Variants in PPP4R2 observed in about 807,000 individuals in gnomAD.
PPP4R2 encodes protein phosphatase 4 regulatory subunit 2, also known as serine/threonine-protein phosphatase 4 regulatory subunit 2.
In PPP4R2, 13 loss-of-function variants were observed where a neutral mutation model predicts 47.2. The observed-to-expected ratio is 0.28, with a 90% CI of 0.18 to 0.44. PPP4R2 has a LOEUF of 0.44. Among genes scored for constraint, PPP4R2 ranks in the 20% least tolerant of loss-of-function variants. The pLI, the probability that PPP4R2 is intolerant of heterozygous loss-of-function variation, is 1.00. For missense variants in PPP4R2, 421 were observed against 491.2 expected (o/e 0.86, Z 1.35); for synonymous variants, 151 against 163.3 (o/e 0.92, Z 0.57).
intron 5 of PPP4R2, chr3:73,062,641 G>A (rs1276189463): frequency 3.7e-6 from 6 of 1,613,986 alleles, no homozygotes; most frequent in Admixed American, 1.7e-5. Context: ...CGCCACTGCT[G>A]TGACCTTTTG....
rs565276512 is a variant in PPP4R2 at position 73,039,532 on chromosome 3, A to G, written c.117-7654A>G. Among the ~76,000 whole-genome samples the G allele has an allele frequency of 6.6e-5, 10 of 152,314 alleles. No individual in the cohort carries two copies. In the South Asian group the frequency reaches 1.5e-3, roughly 22 times the overall value. ...CTTTTCCATAACACAAAAATAAGCA[A>G]AAGACAGATAATTTTAGAGAGGTGG... On this transcript the variant is annotated intron_variant, in intron 2 of 8. Transcript: ENST00000356692.
rs911371658 is a variant in PPP4R2, at chr3:72,996,915, G to A, written c.-123G>A. 18 of 602,972 alleles carry A rather than the reference G, an allele frequency of 3.0e-5. No individual in the cohort carries two copies. The Admixed American group carries it at 3.5e-4, about 12-fold the overall frequency. 37.4% of individuals were successfully genotyped at this position (602,972 alleles called of 1,614,324 possible). A position where few individuals can be genotyped will look rare whatever the true frequency, so the allele number is the denominator to read the frequency against. ...CCGGCTCCCTTCGTTTCCCCCCCCCGGTCGCCTGCGTGCCGGAGTGTGTGC... is the reference window on the plus strand; with the variant it reads ...CCGGCTCCCTTCGTTTCCCCCCCCCAGTCGCCTGCGTGCCGGAGTGTGTGC... On this transcript the variant is annotated 5_prime_UTR_variant, in exon 1 of 9. Transcript: ENST00000356692.
intron 2 of PPP4R2, among the ~76,000 whole-genome samples, chr3:73,026,487 T>A (rs886484160): frequency 9.0e-6 from 1 of 110,568 alleles, no homozygotes; most frequent in Non-Finnish European, 1.9e-5. Context: ...GCCGTGCCAT[T>A]ATTTTTTGTT....
At chr3:73,018,436 A>ATGTT (rs1264175226) in intron 2 of PPP4R2, among the ~76,000 whole-genome samples, 33 of 103,320 alleles carry the variant, frequency 3.2e-4, no homozygotes, top group African/African-American at 1.0e-3. Flanking sequence ...ATGTTATGTT[A>ATGTT]TGTTATGTTA....
chr3:73,031,917 T>G (rs1178727940), intron 2 of PPP4R2, among the ~76,000 whole-genome samples: 1 of 152,214 alleles, frequency 6.6e-6, no homozygotes, highest in Non-Finnish European at 1.5e-5. Context: ...CTAAGCACTT[T>G]GCTTACACTA....
chr3:73,010,825 C>T (rs1195417440), intron 2 of PPP4R2, among the ~76,000 whole-genome samples: 1 of 152,202 alleles, frequency 6.6e-6, no homozygotes, highest in Non-Finnish European at 1.5e-5. Flanking sequence ...CAGGCATGAG[C>T]CACTGGGCTC....
At chr3:73,012,427 T>C (rs551717485) in intron 2 of PPP4R2, among the ~76,000 whole-genome samples, 1 of 152,164 alleles carries the variant, frequency 6.6e-6, no homozygotes, top group Admixed American at 6.5e-5. Context: ...AGCCTCCCGC[T>C]TAGCTGGGAC....
In PPP4R2 at chr3:73,042,130, T is replaced by C. The variant is rs372504509; in HGVS notation, c.117-5056T>C. 3.0e-4 allele frequency among the ~76,000 whole-genome samples: 46 copies of C among 152,264 alleles called. 2 individuals carry two copies. In the East Asian group the frequency reaches 8.7e-3, roughly 29 times the overall value. The stretch of plus-strand genomic sequence containing the variant: ...GTAAAGTAGATTTAAATTTTGAGTA[T>C]GTATTTTATTGGAGGGGATTTTATG... On this transcript the variant is annotated intron_variant, in intron 2 of 8. Coordinates refer to ENST00000356692, the MANE Select transcript of PPP4R2 (RefSeq NM_174907.4).
chr3:73,033,491 T>A (rs1022696386), intron 2 of PPP4R2, among the ~76,000 whole-genome samples: 2 of 152,240 alleles, frequency 1.3e-5, no homozygotes, highest in African/African-American at 4.8e-5. Context: ...TATTTTTTAA[T>A]TCTGGGAATT....
At chr3:73,060,577 T>C (rs1702833064) in intron 4 of PPP4R2, among the ~76,000 whole-genome samples, 1 of 131,130 alleles carries the variant, frequency 7.6e-6, no homozygotes, top group Non-Finnish European at 1.7e-5. Flanking sequence ...ATCATAAATA[T>C]ATTACAAAAA....
chr3:73,035,269 A>T (rs1171411516), intron 2 of PPP4R2, among the ~76,000 whole-genome samples: 1 of 152,160 alleles, frequency 6.6e-6, no homozygotes, highest in Non-Finnish European at 1.5e-5. Context: ...GCATGGTGGC[A>T]CACACCTGTA....
intron 2 of PPP4R2, among the ~76,000 whole-genome samples, chr3:73,036,600 C>G (rs1429939707): frequency 6.6e-6 from 1 of 152,132 alleles, no homozygotes; most frequent in African/African-American, 2.4e-5. Flanking sequence ...CATTTAGTAG[C>G]GTTGACATGT....
chr3:73,023,585 T>C (rs1702001939), intron 2 of PPP4R2, among the ~76,000 whole-genome samples: 1 of 152,256 alleles, frequency 6.6e-6, no homozygotes. Flanking sequence ...ATTTAAAATA[T>C]GTTTTTTATT....
At chr3:73,016,319 CAA>C (rs1701830743) in intron 2 of PPP4R2, among the ~76,000 whole-genome samples, 2 of 151,686 alleles carry the variant, frequency 1.3e-5, no homozygotes, top group African/African-American at 4.8e-5. Context: ...CCAGGGCTGA[CAA>C]TGTCTAGAGA....
At chr3:73,013,126 G>C (rs1328341600) in intron 2 of PPP4R2, among the ~76,000 whole-genome samples, 3 of 151,978 alleles carry the variant, frequency 2.0e-5, no homozygotes, top group Non-Finnish European at 4.4e-5. Flanking sequence ...TATTGTGTGT[G>C]GTCTTTGGTT....
Position 73,026,286 on chromosome 3 carries a change from C to T in PPP4R2, c.117-20900C>T, listed in dbSNP as rs142148720. 3.3e-5 allele frequency among the ~76,000 whole-genome samples: 5 copies of T among 152,262 alleles called. No individual in the cohort carries two copies. The East Asian group carries it at 7.7e-4, about 23-fold the overall frequency. On this transcript the variant is annotated intron_variant, in intron 2 of 8. Coordinates refer to ENST00000356692, the MANE Select transcript of PPP4R2 (RefSeq NM_174907.4). ...ACTGCCTCGTCCCAGTGACTTTGTA[C>T]ATATTGTTCCCTTTGCTGGAACAAA...
intron 1 of PPP4R2, 60 bp from the exon 2 acceptor site, chr3:72,998,017 G>C (rs1553644021): frequency 8.3e-7 from 1 of 1,201,812 alleles, no homozygotes; most frequent in Non-Finnish European, 1.2e-6. Context: ...TAGGAGGAAA[G>C]TTTGTTTTTA....
intron 5 of PPP4R2, chr3:73,062,385 G>A (rs1404814107): frequency 8.1e-6 from 13 of 1,606,954 alleles, no homozygotes; most frequent in African/African-American, 1.3e-5. Context: ...GGATATTAAG[G>A]ACATTAAAAA....
In PPP4R2 at chr3:73,054,951, T is replaced by C. The variant is rs370007836; in HGVS notation, c.288-4086T>C. Among the ~76,000 whole-genome samples the C allele has an allele frequency of 3.7e-4, 57 of 152,308 alleles. 1 individual carries two copies. The highest frequency in any genetic ancestry group is 1.4e-3 in the South Asian group (7 of 4,828). The stretch of plus-strand genomic sequence containing the variant: ...TATGTTAAGATGTCTTTCCCTGATA[T>C]TCAGCAACTTTCTTGGTATTTGAAT... On this transcript the variant is annotated intron_variant, in intron 3 of 8. Transcript: ENST00000356692.
Sources: gnomAD v4.1 joint callset for allele counts (sites outside exome capture counted in the v4.1 genomes callset) on GRCh38, gnomAD v4.1.1 for gene constraint, MANE v1.5 for transcripts, NCBI Gene and HGNC (gene_info 2026-07-23, HGNC 2026-07-21) for gene names.